CXorf58: variants seen among roughly 807,000 people sequenced by gnomAD.
CXorf58 encodes chromosome X open reading frame 58.
CXorf58 carries 24 observed loss-of-function variants against 26.0 expected under a neutral mutation model. The ratio of observed to expected loss-of-function variants is 0.92; its 90% CI spans 0.67 to 1.30. The LOEUF (loss-of-function observed/expected upper bound fraction) is 1.30. CXorf58 is among the 50% of genes most tolerant of loss of function. The probability of loss-of-function intolerance (pLI) is 0.00; values close to 1 mark genes in which losing one functional copy is unlikely to be tolerated. For missense variants in CXorf58, 236 were observed against 263.9 expected (o/e 0.89, Z 0.73); for synonymous variants, 87 against 86.1 (o/e 1.01, Z -0.06).
intron 2 of CXorf58, among the ~76,000 whole-genome samples, chrX:23,910,876 C>T (rs968659856): frequency 3.7e-4 from 39 of 106,382 alleles, no homozygotes; most frequent in Admixed American, 2.0e-4. Context: ...AGCGATTCTC[C>T]TGCCTCAGCC....
At chrX:23,918,471 T>C (rs1289063704) in intron 5 of CXorf58, among the ~76,000 whole-genome samples, 2 of 111,954 alleles carry the variant, frequency 1.8e-5, no homozygotes, top group Non-Finnish European at 3.8e-5. Context: ...CTCTGCACTT[T>C]AACTTCATCT....
At chrX:23,938,219 G>A (rs749521531) in intron 7 of CXorf58, among the ~76,000 whole-genome samples, 2 of 111,359 alleles carry the variant, frequency 1.8e-5, no homozygotes, top group South Asian at 3.7e-4. Flanking sequence ...TTAGTATATG[G>A]TGTAAAAAAA....
chrX:23,938,938 T>C (rs952550669), intron 8 of CXorf58, among the ~76,000 whole-genome samples: 9 of 111,674 alleles, frequency 8.1e-5, no homozygotes, highest in African/African-American at 2.9e-4. Context: ...TCAGCATGAG[T>C]TGGCAAAAAA....
intron 5 of CXorf58, among the ~76,000 whole-genome samples, chrX:23,924,010 C>T (rs1046168133): frequency 6.3e-5 from 7 of 110,643 alleles, no homozygotes; most frequent in Non-Finnish European, 1.3e-4. Flanking sequence ...AGGTTGCCGT[C>T]TGCCGAAATG....
intron 5 of CXorf58, among the ~76,000 whole-genome samples, chrX:23,921,942 A>T (rs1927881265): frequency 9.1e-6 from 1 of 110,149 alleles, no homozygotes; most frequent in African/African-American, 3.3e-5. Flanking sequence ...GCCTCAAGCG[A>T]TCTGCCCACT....
At chrX:23,918,321 G>A (rs1301486090) in intron 5 of CXorf58, among the ~76,000 whole-genome samples, 1 of 109,954 alleles carries the variant, frequency 9.1e-6, no homozygotes, top group Non-Finnish European at 1.9e-5. Context: ...TGTATCTGTT[G>A]TATGTTTTGG....
At chrX:23,929,923 C>A (rs764053616) in intron 6 of CXorf58, among the ~76,000 whole-genome samples, 15 of 111,275 alleles carry the variant, frequency 1.3e-4, no homozygotes, top group African/African-American at 4.6e-4. Context: ...TCTATCCGGG[C>A]GGAGTGGCTC....
chrX:23,926,252 C>A lies in CXorf58; in HGVS notation c.424-987C>A, dbSNP rs1413374936. ...CACAGTCTATGTATAGCTCTTAGCACAGGATACTTATATGTGGAAGGGTAT... is the reference window on the plus strand; with the variant it reads ...CACAGTCTATGTATAGCTCTTAGCAAAGGATACTTATATGTGGAAGGGTAT... On this transcript the variant is annotated intron_variant, in intron 5 of 8. Transcript: ENST00000379211. Among the ~76,000 whole-genome samples the A allele has an allele frequency of 8.1e-5, 9 of 110,976 alleles. No homozygotes were observed. In the South Asian group the frequency reaches 3.4e-3, roughly 42 times the overall value.
At chrX:23,910,089 T>C (rs1927533714) in intron 1 of CXorf58, among the ~76,000 whole-genome samples, 194 bp from the exon 2 acceptor site, 2 of 112,027 alleles carry the variant, frequency 1.8e-5, no homozygotes, top group African/African-American at 6.5e-5. Context: ...ATAGATTTAC[T>C]TGTCTTTTCC....
intron 7 of CXorf58, among the ~76,000 whole-genome samples, chrX:23,937,879 A>T (rs1406636350): frequency 8.3e-5 from 9 of 108,867 alleles, no homozygotes; most frequent in Non-Finnish European, 1.5e-4. Context: ...TCCAACCATT[A>T]TGAAATGTAA....
chrX:23,908,000 C>T (rs1927453429), upstream of CXorf58: 1 of 282,261 alleles, frequency 3.5e-6, no homozygotes, highest in Non-Finnish European at 6.2e-6. Flanking sequence ...AAAGCGCCGG[C>T]TCTGTGTGGA....
At chrX:23,930,032 C>T (rs761435201) in intron 6 of CXorf58, among the ~76,000 whole-genome samples, 16 of 107,992 alleles carry the variant, frequency 1.5e-4, no homozygotes, top group Admixed American at 7.0e-4. Context: ...CCCGTCTCTA[C>T]TAAAAAATAC....
At chrX:23,918,007 A>AT (rs1198283649) in intron 5 of CXorf58, among the ~76,000 whole-genome samples, 4 of 109,997 alleles carry the variant, frequency 3.6e-5, no homozygotes, top group Non-Finnish European at 5.7e-5. Context: ...CGCCCGGCTA[A>AT]TTTTTTTTGT....
At chrX:23,918,870 C>T (rs1293755413) in intron 5 of CXorf58, among the ~76,000 whole-genome samples, 1 of 112,186 alleles carries the variant, frequency 8.9e-6, no homozygotes, top group Non-Finnish European at 1.9e-5. Flanking sequence ...TTTTATTTTT[C>T]CTTCAGCACT....
At chrX:23,917,290 G>A (rs1165876890) in intron 5 of CXorf58, among the ~76,000 whole-genome samples, 10 of 99,170 alleles carry the variant, frequency 1.0e-4, no homozygotes, top group African/African-American at 3.3e-4. Context: ...AGCTGAGATC[G>A]CACCACTGCA....
At chrX:23,914,631 A>C (rs188516698) in intron 3 of CXorf58, among the ~76,000 whole-genome samples, 150 of 111,827 alleles carry the variant, frequency 1.3e-3, no homozygotes, top group Non-Finnish European at 1.7e-3. Context: ...CACGCCTGTA[A>C]TCCCAGCACT....
At chrX:23,912,491 G>C (rs746431713) in intron 3 of CXorf58, among the ~76,000 whole-genome samples, 1 of 110,587 alleles carries the variant, frequency 9.0e-6, no homozygotes, top group Non-Finnish European at 1.9e-5. Flanking sequence ...AGCATCTCAC[G>C]CCTGTAATCC....
chrX:23,931,170 T>G (rs773825052), intron 6 of CXorf58, among the ~76,000 whole-genome samples: 4 of 112,134 alleles, frequency 3.6e-5, no homozygotes, highest in Non-Finnish European at 7.5e-5. Context: ...CAATTATGTT[T>G]TCTTTCTTTT....
chrX:23,934,035 A>C (rs1415830761), intron 6 of CXorf58, among the ~76,000 whole-genome samples: 1 of 110,710 alleles, frequency 9.0e-6, no homozygotes, highest in Non-Finnish European at 1.9e-5. Flanking sequence ...TGTCTCAAAA[A>C]AAAAAAAGTC....
Sources: gnomAD v4.1 joint callset for allele counts (sites outside exome capture counted in the v4.1 genomes callset) on GRCh38, gnomAD v4.1.1 for gene constraint, MANE v1.5 for transcripts, NCBI Gene and HGNC (gene_info 2026-07-23, HGNC 2026-07-21) for gene names.